Variants in GALNT13 observed in about 807,000 individuals in gnomAD.
GALNT13 encodes the protein polypeptide N-acetylgalactosaminyltransferase 13, also known as UDP-GalNAc:polypeptide N-acetylgalactosaminyltransferase 13.
In GALNT13, 28 loss-of-function variants were observed where a neutral mutation model predicts 64.2. The observed-to-expected ratio is 0.44, with a 90% confidence interval of 0.32 to 0.60. GALNT13 has a LOEUF of 0.60. GALNT13 is among the 20% of genes least tolerant of loss of function. The pLI, the probability that GALNT13 is intolerant of heterozygous loss-of-function variation, is 0.05. For synonymous variants in GALNT13, 214 were observed against 224.6 expected, an observed-to-expected ratio of 0.95 and a Z score of 0.42; for missense variants, 577 against 669.8, an observed-to-expected ratio of 0.86 and a Z score of 1.53.
intron 9 of GALNT13, among the ~76,000 whole-genome samples, chr2:154,338,052 G>A (rs1695552283): frequency 6.6e-6 from 1 of 152,060 alleles, no homozygotes; most frequent in Non-Finnish European, 1.5e-5. Flanking sequence ...TTCTTTTCTA[G>A]AGCAATGCTG....
At chr2:153,115,184 C>T in the GALNT13 span, among the ~76,000 whole-genome samples, 1 of 152,092 alleles carries the variant, frequency 6.6e-6, no homozygotes, top group Non-Finnish European at 1.5e-5. Context: ...AGTGGTGGTC[C>T]TCATATGTTT....
chr2:153,290,440 AT>A, the GALNT13 span, among the ~76,000 whole-genome samples: 1 of 152,192 alleles, frequency 6.6e-6, no homozygotes, highest in Non-Finnish European at 1.5e-5. Context: ...TATTAAAGAA[AT>A]TTGGTGGCAC....
intron 2 of GALNT13, among the ~76,000 whole-genome samples, chr2:153,931,370 C>G (rs1690505363): frequency 6.6e-6 from 1 of 151,488 alleles, no homozygotes; most frequent in South Asian, 2.1e-4. Context: ...CACTATGACT[C>G]CCAGTATGTT....
At chr2:153,315,374 G>A in the GALNT13 span, among the ~76,000 whole-genome samples, 2 of 152,106 alleles carry the variant, frequency 1.3e-5, no homozygotes, top group African/African-American at 4.8e-5. Flanking sequence ...CAGCTCTCTG[G>A]GGCTTCTTTT....
chr2:154,038,425 C>A (rs1395484470), intron 3 of GALNT13, among the ~76,000 whole-genome samples: 1 of 151,894 alleles, frequency 6.6e-6, no homozygotes, highest in Non-Finnish European at 1.5e-5. Flanking sequence ...GACACATAGA[C>A]CAATAGAACA....
intron 8 of GALNT13, among the ~76,000 whole-genome samples, chr2:154,283,595 T>C (rs1387204685): frequency 6.7e-6 from 1 of 149,740 alleles, no homozygotes; most frequent in Non-Finnish European, 1.5e-5. Flanking sequence ...AAAAAAAAAA[T>C]TATACTTCAG....
At chr2:153,465,190 T>G in the GALNT13 span, among the ~76,000 whole-genome samples, 2 of 152,240 alleles carry the variant, frequency 1.3e-5, no homozygotes, top group East Asian at 3.9e-4. Flanking sequence ...ACATTACTCT[T>G]GTTGGAAATT....
the GALNT13 span, among the ~76,000 whole-genome samples, chr2:153,741,792 A>G: frequency 1.3e-5 from 2 of 152,110 alleles, no homozygotes; most frequent in African/African-American, 2.4e-5. Context: ...ATAGATAACA[A>G]TTTGGTGAGT....
At chr2:154,349,364 AT>A (rs1373148040) in intron 9 of GALNT13, among the ~76,000 whole-genome samples, 1 of 152,260 alleles carries the variant, frequency 6.6e-6, no homozygotes, top group African/African-American at 2.4e-5. Context: ...ACCACCTAAA[AT>A]AGTTTAAAGC....
chr2:154,020,277 C>T (rs549454420), intron 3 of GALNT13, among the ~76,000 whole-genome samples: 1,787 of 152,088 alleles, frequency 0.012, 33 homozygotes, highest in African/African-American at 0.04. Flanking sequence ...ATCGCCACAC[C>T]GACTTCCACA....
At chr2:153,747,371 C>T in the GALNT13 span, among the ~76,000 whole-genome samples, 1 of 151,320 alleles carries the variant, frequency 6.6e-6, no homozygotes, top group Admixed American at 6.6e-5. Context: ...ACTACCCTTC[C>T]CAGCCTCTGG....
chr2:153,615,634 A>T, the GALNT13 span, among the ~76,000 whole-genome samples: 1 of 152,100 alleles, frequency 6.6e-6, no homozygotes, highest in Non-Finnish European at 1.5e-5. Context: ...GATTAATGAT[A>T]TTGAACACTT....
chr2:154,321,526 G>C (rs944175166), intron 9 of GALNT13, among the ~76,000 whole-genome samples: 1 of 151,942 alleles, frequency 6.6e-6, no homozygotes, highest in Non-Finnish European at 1.5e-5. Flanking sequence ...CAGAAATAAA[G>C]TCATAATTCA....
chr2:153,718,659 G>A, the GALNT13 span, among the ~76,000 whole-genome samples: 1 of 152,032 alleles, frequency 6.6e-6, no homozygotes, highest in Non-Finnish European at 1.5e-5. Flanking sequence ...GTGTCAGGAC[G>A]GAGCATTAGA....
At position 154,178,608 on chromosome 2, in the gene GALNT13, A is replaced by C. The variant is rs148859190; in HGVS notation, c.311+38103A>C. On this transcript the variant is annotated intron_variant, in intron 4 of 12. Coordinates refer to ENST00000392825, the MANE Select transcript of GALNT13 (RefSeq NM_052917.4). ...AATGTCTTCCTCTCGCTCAATCTGC[A>C]CACGGAGTTGGTCACAAAGTCCTTA... Among the ~76,000 whole-genome samples the C allele has an allele frequency of 3.0e-4, 46 of 152,336 alleles. No individual in the cohort carries two copies. In the East Asian group the frequency reaches 6.0e-3, roughly 20 times the overall value.
the GALNT13 span, among the ~76,000 whole-genome samples, chr2:153,685,208 A>G: frequency 2.0e-5 from 3 of 151,938 alleles, no homozygotes; most frequent in African/African-American, 4.8e-5. Context: ...TTCTGTCTTT[A>G]GGTCTTTGAG....
chr2:153,328,322 T>C, the GALNT13 span, among the ~76,000 whole-genome samples: 1 of 152,206 alleles, frequency 6.6e-6, no homozygotes, highest in Non-Finnish European at 1.5e-5. Context: ...TTAGCAGACC[T>C]GCAGTGCTGT....
chr2:153,349,179 G>C, the GALNT13 span, among the ~76,000 whole-genome samples: 1 of 151,682 alleles, frequency 6.6e-6, no homozygotes, highest in Non-Finnish European at 1.5e-5. Flanking sequence ...CCCTTCTTAA[G>C]AATATTACTT....
At chr2:154,083,574 C>G (rs1220236750) in intron 3 of GALNT13, among the ~76,000 whole-genome samples, 1 of 151,882 alleles carries the variant, frequency 6.6e-6, no homozygotes, top group African/African-American at 2.4e-5. Flanking sequence ...TGTTTGGGTC[C>G]TCTATTATTT....
Sources: gnomAD v4.1 joint callset for allele counts (sites outside exome capture counted in the v4.1 genomes callset) on GRCh38, gnomAD v4.1.1 for gene constraint, MANE v1.5 for transcripts, NCBI Gene and HGNC (gene_info 2026-07-23, HGNC 2026-07-21) for gene names.